SLC25A33: variants seen among roughly 807,000 people sequenced by gnomAD.
The protein encoded by SLC25A33 is bone marrow stromal cell mitochondrial carrier protein.
In SLC25A33, 15 loss-of-function variants were observed where a neutral mutation model predicts 35.5. The observed-to-expected ratio is 0.42, with a 90% CI of 0.28 to 0.65. The LOEUF (loss-of-function observed/expected upper bound fraction) is 0.65, where lower values mean the gene tolerates loss of function less well. Among genes scored for constraint, SLC25A33 ranks in the 30% least tolerant of loss-of-function variants. The probability of loss-of-function intolerance (pLI) is 0.20; values close to 1 mark genes in which losing one functional copy is unlikely to be tolerated. For missense variants in SLC25A33, 257 were observed against 398.5 expected, an observed-to-expected ratio of 0.64 and a Z score of 3.02; for synonymous variants, 136 against 148.7, an observed-to-expected ratio of 0.91 and a Z score of 0.62.
At chr1:9,539,965 G>A (rs1182734958) in intron 1 of SLC25A33, among the ~76,000 whole-genome samples, 2 of 152,094 alleles carry the variant, frequency 1.3e-5, no homozygotes, top group Non-Finnish European at 2.9e-5. Context: ...CAGCCCCGAG[G>A]GCGGCTGTGC....
At position 9,579,943 on chromosome 1, in the gene SLC25A33, C is replaced by CT; in HGVS notation, c.483-7dup. 1 of 1,609,100 alleles carries CT rather than the reference C, an allele frequency of 6.2e-7. No homozygotes were observed. The highest frequency in any genetic ancestry group is 1.1e-5 in the South Asian group (1 of 90,306). On this transcript the variant is annotated splice_polypyrimidine_tract_variant and intron_variant, in intron 5 of 6. Transcript: ENST00000302692. ...TCTCCTTAACAGCCTGTGTTGGTCT[C>CT]TTTTATGCAGAGTGAGGGGCTCTAA...
At chr1:9,561,630 G>C (rs1338396488) in intron 2 of SLC25A33, among the ~76,000 whole-genome samples, 1 of 152,014 alleles carries the variant, frequency 6.6e-6, no homozygotes, top group Non-Finnish European at 1.5e-5. Flanking sequence ...TGTAACTATG[G>C]AGACCGCCTT....
At chr1:9,556,788 G>A (rs1643350622) in intron 2 of SLC25A33, among the ~76,000 whole-genome samples, 1 of 151,790 alleles carries the variant, frequency 6.6e-6, no homozygotes, top group Non-Finnish European at 1.5e-5. Context: ...AAAGGAAAAA[G>A]GCCACTCCAT....
In SLC25A33 at chr1:9,549,621, C is replaced by CTT. The variant is rs869101305; in HGVS notation, c.57-3989_57-3988dup. 1.3e-3 allele frequency among the ~76,000 whole-genome samples: 174 copies of CTT among 135,174 alleles called. 1 individual carries two copies. In the Middle Eastern group the frequency reaches 0.015, roughly 12 times the overall value. The allele number at this position is 135,174 out of a possible 152,430, so 88.7% of individuals were successfully genotyped here. On this transcript the variant is annotated intron_variant, in intron 1 of 6. Transcript: ENST00000302692. The stretch of plus-strand genomic sequence containing the variant: ...CCAAGGCCTCCAGTACATCACAAAC[C>CTT]TTTTTTTTTTTTTTTTTGATACAGA...
intron 5 of SLC25A33, chr1:9,577,044 G>A: frequency 1.3e-6 from 1 of 754,044 alleles, no homozygotes; most frequent in South Asian, 1.6e-5. Flanking sequence ...AGACCTATTG[G>A]TGATATTTAA....
rs759405165 is a variant in SLC25A33, at chr1:9,580,239, G to A, written c.763+5G>A. 7 of 1,609,870 alleles carry A rather than the reference G, an allele frequency of 4.3e-6. No homozygotes were observed. The highest frequency in any genetic ancestry group is 3.4e-6 in the Non-Finnish European group (4 of 1,178,294). ...CCTGCATTGCTTATCCACACGGTAT[G>A]TTTTGCTTTTGTTCTTCCAGAGCAG... On this transcript the variant is annotated splice_donor_5th_base_variant and intron_variant, in intron 6 of 6. Coordinates refer to ENST00000302692, the MANE Select transcript of SLC25A33 (RefSeq NM_032315.3).
intron 3 of SLC25A33, among the ~76,000 whole-genome samples, 179 bp from the exon 4 acceptor site, chr1:9,570,079 C>T (rs1169428877): frequency 2.6e-5 from 4 of 152,208 alleles, no homozygotes; most frequent in Non-Finnish European, 5.9e-5. Context: ...GAGGGACACA[C>T]AGGAGCTTCC....
At chr1:9,571,556 C>T (rs1007405657) in intron 4 of SLC25A33, among the ~76,000 whole-genome samples, 9 of 152,004 alleles carry the variant, frequency 5.9e-5, no homozygotes, top group African/African-American at 2.2e-4. Flanking sequence ...GGATTACAGG[C>T]GTGAGCCACC....
chr1:9,580,771 G>A (rs1164057507), intron 6 of SLC25A33, among the ~76,000 whole-genome samples: 1 of 151,410 alleles, frequency 6.6e-6, no homozygotes, highest in Non-Finnish European at 1.5e-5. Flanking sequence ...CAGGAGAATC[G>A]CTTGAACCCG....
chr1:9,555,371 A>G (rs529609798), intron 2 of SLC25A33, among the ~76,000 whole-genome samples: 149 of 151,382 alleles, frequency 9.8e-4, no homozygotes, highest in South Asian at 2.3e-3. Context: ...GCCCACCTTG[A>G]CCTCCCAAAG....
chr1:9,574,122 T>TC (rs1277781904), intron 5 of SLC25A33, among the ~76,000 whole-genome samples: 1 of 150,836 alleles, frequency 6.6e-6, no homozygotes, highest in East Asian at 1.9e-4. Flanking sequence ...TCTTTTCTTT[T>TC]TTTTTTTTTT....
At chr1:9,545,757 C>A (rs983263455) in intron 1 of SLC25A33, among the ~76,000 whole-genome samples, 1 of 150,858 alleles carries the variant, frequency 6.6e-6, no homozygotes, top group Admixed American at 6.6e-5. Context: ...GTCAGGAGTT[C>A]AAGACCAGCC....
chr1:9,575,346 G>C (rs1643647780), intron 5 of SLC25A33, among the ~76,000 whole-genome samples: 1 of 152,034 alleles, frequency 6.6e-6, no homozygotes, highest in South Asian at 2.1e-4. Flanking sequence ...GCTGGGCGTA[G>C]TGGCTCATGC....
Position 9,573,423 on chromosome 1 carries a change from A to G in SLC25A33, c.482+11A>G, listed in dbSNP as rs751457906. ...GCAGCTAGAACAGAAGTAAGTTATT[A>G]TTTGTTCCTTCCTTAATGAAAGGAT... On this transcript the variant is annotated intron_variant, in intron 5 of 6. Coordinates refer to ENST00000302692, the MANE Select transcript of SLC25A33 (RefSeq NM_032315.3). 6.2e-7 allele frequency: 1 copy of G among 1,606,678 alleles called. No individual in the cohort carries two copies. The highest frequency in any genetic ancestry group is 1.1e-5 in the South Asian group (1 of 90,716).
intron 1 of SLC25A33, among the ~76,000 whole-genome samples, chr1:9,542,851 C>T (rs1056413867): frequency 1.3e-5 from 2 of 152,222 alleles, no homozygotes; most frequent in East Asian, 1.9e-4. Flanking sequence ...CTCACTCTGT[C>T]GCCCAGGCTG....
intron 1 of SLC25A33, among the ~76,000 whole-genome samples, chr1:9,542,127 A>G (rs867835259): frequency 1.6e-4 from 24 of 152,148 alleles, no homozygotes; most frequent in African/African-American, 5.6e-4. Context: ...TTTTCTTTGT[A>G]TTCCAAACCA....
intron 2 of SLC25A33, among the ~76,000 whole-genome samples, chr1:9,562,854 CAAAAAAAA>C (rs757742086): frequency 1.8e-5 from 1 of 56,168 alleles, no homozygotes; most frequent in Non-Finnish European, 3.7e-5. Context: ...AACTCCGTTT[CAAAAAAAA>C]AAAAAAAATT....
intron 5 of SLC25A33, among the ~76,000 whole-genome samples, chr1:9,577,421 G>A (rs1643676271): frequency 6.6e-6 from 1 of 152,116 alleles, no homozygotes; most frequent in African/African-American, 2.4e-5. Flanking sequence ...TGAGGTTGCA[G>A]CTGAGATTGC....
chr1:9,570,218 C>A, intron 3 of SLC25A33, 40 bp from the exon 4 acceptor site: 1 of 1,559,338 alleles, frequency 6.4e-7, no homozygotes. Context: ...TAAAGTTGCA[C>A]TGTGATGATT....
Sources: gnomAD v4.1 joint callset for allele counts (sites outside exome capture counted in the v4.1 genomes callset) on GRCh38, gnomAD v4.1.1 for gene constraint, MANE v1.5 for transcripts, NCBI Gene and HGNC (gene_info 2026-07-23, HGNC 2026-07-21) for gene names.